Variants in RFX3 observed in about 807,000 individuals in gnomAD.
The protein encoded by RFX3 is transcription factor RFX3.
RFX3 carries 14 observed loss-of-function variants against 98.6 expected under a neutral mutation model. The ratio of observed to expected loss-of-function variants is 0.14; its 90% confidence interval spans 0.09 to 0.22. The LOEUF is 0.22. Ranked by LOEUF, RFX3 falls within the 10% of genes least tolerant of loss-of-function variation. The probability of loss-of-function intolerance (pLI) is 1.00; values close to 1 mark genes in which losing one functional copy is unlikely to be tolerated. For synonymous variants in RFX3, 383 were observed against 328.4 expected, an observed-to-expected ratio of 1.17 and a Z score of -1.80; for missense variants, 639 against 926.9, an observed-to-expected ratio of 0.69 and a Z score of 4.03.
intron 2 of RFX3, among the ~76,000 whole-genome samples, chr9:3,386,465 T>C (rs1374609907): frequency 6.6e-6 from 1 of 152,086 alleles, no homozygotes; most frequent in African/African-American, 2.4e-5. Context: ...AAGAGAAAAC[T>C]GAGTTTCAGA....
intron 13 of RFX3, among the ~76,000 whole-genome samples, chr9:3,261,686 C>A (rs146451055): frequency 9.9e-5 from 15 of 152,178 alleles, no homozygotes; most frequent in African/African-American, 3.6e-4. Flanking sequence ...CTGAGTCATA[C>A]GGTAACTATA....
intron 7 of RFX3, among the ~76,000 whole-genome samples, chr9:3,282,609 G>A (rs1182107641): frequency 6.6e-6 from 1 of 151,758 alleles, no homozygotes; most frequent in Non-Finnish European, 1.5e-5. Context: ...AGGCAGACAT[G>A]ATTCTCTGAT....
At chr9:3,471,867 T>G (rs1848809392) in intron 1 of RFX3, among the ~76,000 whole-genome samples, 1 of 152,238 alleles carries the variant, frequency 6.6e-6, no homozygotes, top group Admixed American at 6.5e-5. Flanking sequence ...CCAAATGCAC[T>G]GCGATTACTG....
intron 12 of RFX3, among the ~76,000 whole-genome samples, chr9:3,264,453 C>G (rs564982429): frequency 6.6e-6 from 1 of 152,160 alleles, no homozygotes; most frequent in African/African-American, 2.4e-5. Context: ...TGTTTGAGGA[C>G]TATTTGGAAC....
chr9:3,248,034 C>T lies in RFX3; in HGVS notation c.1966G>A (p.Glu656Lys). Residue 656 changes from glutamate (E) to lysine (K), a missense_variant and splice_region_variant, in exon 15 of 17, where the codon GAG becomes AAG. By Grantham distance (56) the Glu-to-Lys change is moderately conservative. Transcript: ENST00000617270. ...ACAGCTCTTTCAGCCTCTCTTACCT[C>T]GCCCATGACTGCTATAGGAGTCTCT... The part of the protein sequence containing the change: ...TGETPIAVMG[E>K]FGDLNAVSPG... 6.2e-7 allele frequency: 1 copy of T among 1,614,016 alleles called. No homozygotes were observed. The highest frequency in any genetic ancestry group is 8.5e-7 in the Non-Finnish European group (1 of 1,179,938).
intron 4 of RFX3, among the ~76,000 whole-genome samples, chr9:3,305,365 G>T (rs1829160667): frequency 6.6e-6 from 1 of 151,952 alleles, no homozygotes; most frequent in Non-Finnish European, 1.5e-5. Context: ...CCAGGAGAAG[G>T]GTTTTGCTAG....
intron 16 of RFX3, among the ~76,000 whole-genome samples, chr9:3,227,454 A>G (rs972799150): frequency 1.3e-5 from 2 of 152,234 alleles, no homozygotes; most frequent in Admixed American, 1.3e-4. Context: ...GCTTCTATAA[A>G]AACTCGAAGA....
chr9:3,332,225 T>G (rs1832682127), intron 3 of RFX3, among the ~76,000 whole-genome samples: 1 of 152,174 alleles, frequency 6.6e-6, no homozygotes, highest in African/African-American at 2.4e-5. Flanking sequence ...GGATTTTGGA[T>G]TTTTTCAGAT....
chr9:3,352,157 T>G (rs552445623), intron 2 of RFX3, among the ~76,000 whole-genome samples: 1 of 152,034 alleles, frequency 6.6e-6, no homozygotes, highest in African/African-American at 2.4e-5. Context: ...AAAAGTATGT[T>G]GTGGAACAAT....
chr9:3,470,019 A>C (rs1460016929), intron 1 of RFX3, among the ~76,000 whole-genome samples: 1 of 152,212 alleles, frequency 6.6e-6, no homozygotes, highest in Non-Finnish European at 1.5e-5. Flanking sequence ...GTTAGAGACA[A>C]GAAAGAGAAG....
intron 15 of RFX3, among the ~76,000 whole-genome samples, chr9:3,235,093 G>C (rs1029248301): frequency 1.3e-5 from 2 of 152,232 alleles, no homozygotes; most frequent in Non-Finnish European, 2.9e-5. Context: ...GACGGAAGAA[G>C]TCGAGAATGA....
chr9:3,481,480 AT>A (rs933083309), intron 1 of RFX3, among the ~76,000 whole-genome samples: 36 of 151,534 alleles, frequency 2.4e-4, no homozygotes. Context: ...TGAAAAGTAC[AT>A]TTTTTAAAAA....
intron 2 of RFX3, among the ~76,000 whole-genome samples, chr9:3,392,015 C>T (rs1009540910): frequency 1.3e-5 from 2 of 152,280 alleles, no homozygotes; most frequent in South Asian, 4.1e-4. Flanking sequence ...AGCATTCCCC[C>T]ACTAGGCAGG....
intron 1 of RFX3, among the ~76,000 whole-genome samples, chr9:3,504,757 ATATATGCTATATG>A (rs1183685138): frequency 1.3e-5 from 1 of 78,964 alleles, no homozygotes; most frequent in African/African-American, 9.6e-5. Flanking sequence ...TGTATATAAA[ATATATGCTATATG>A]TATATATTGT....
At chr9:3,386,450 T>C (rs563306230) in intron 2 of RFX3, among the ~76,000 whole-genome samples, 1 of 152,250 alleles carries the variant, frequency 6.6e-6, no homozygotes, top group South Asian at 2.1e-4. Flanking sequence ...ACAATTATTT[T>C]ATAGAAGAGA....
chr9:3,331,839 TC>T (rs1279484353), intron 3 of RFX3, among the ~76,000 whole-genome samples: 1 of 152,180 alleles, frequency 6.6e-6, no homozygotes, highest in Admixed American at 6.5e-5. Context: ...ATCACTGCCC[TC>T]TTTACTTCCT....
intron 1 of RFX3, among the ~76,000 whole-genome samples, chr9:3,511,941 TA>T (rs1330915611): frequency 6.6e-6 from 1 of 152,056 alleles, no homozygotes; most frequent in East Asian, 1.9e-4. Context: ...TTAAAATAAC[TA>T]AAAGTATAAT....
At chr9:3,449,391 T>A (rs1025068674) in intron 1 of RFX3, among the ~76,000 whole-genome samples, 1 of 152,222 alleles carries the variant, frequency 6.6e-6, no homozygotes, top group African/African-American at 2.4e-5. Flanking sequence ...GCACTAGTCA[T>A]GTTTGCTTAT....
chr9:3,321,608 T>G (rs556521828), intron 4 of RFX3, among the ~76,000 whole-genome samples: 10 of 152,358 alleles, frequency 6.6e-5, no homozygotes, highest in South Asian at 6.2e-4. Flanking sequence ...ATTAGTCCTT[T>G]GAGTATAATA....
Sources: allele counts gnomAD v4.1 joint callset (sites outside exome capture counted in the v4.1 genomes callset), GRCh38; gene constraint gnomAD v4.1.1; transcripts MANE v1.5; gene names NCBI Gene and HGNC (gene_info 2026-07-23, HGNC 2026-07-21).